Variants in LTN1 observed in about 807,000 individuals in gnomAD.
LTN1 encodes the protein listerin E3 ubiquitin protein ligase 1.
LTN1 carries 88 observed loss-of-function variants against 201.2 expected under a neutral mutation model. That is an observed-to-expected ratio of 0.44 (90% CI 0.37 to 0.52). LTN1 has a LOEUF of 0.52. Ranked by LOEUF, LTN1 falls within the 20% of genes least tolerant of loss-of-function variation. The pLI is 0.00. For synonymous variants in LTN1, 645 were observed against 713.5 expected (o/e 0.90, Z 1.53); for missense variants, 1,752 against 2,038.7 (o/e 0.86, Z 2.71).
Position 28,984,788 on chromosome 21 carries a change from T to C in LTN1, c.480A>G (p.Thr160=). The change falls in exon 4 of 30, where the codon ACA becomes ACG. Residue 160 remains threonine (T), a synonymous_variant. Transcript: ENST00000361371. ...CATCTTTTGCTGCAAACGCAGCTGGTGTGTAAGTATCACACTGAGCCATTA... is the reference window on the plus strand; with the variant it reads ...CATCTTTTGCTGCAAACGCAGCTGGCGTGTAAGTATCACACTGAGCCATTA... ...YWLMAQCDTY[T]PAAFAAKDAF... is the part of the protein sequence containing the mutation. 1 of 1,614,134 alleles carries C rather than the reference T, an allele frequency of 6.2e-7. No individual in the cohort carries two copies. The highest frequency in any genetic ancestry group is 8.5e-7 in the Non-Finnish European group (1 of 1,179,942).
At position 28,986,276 on chromosome 21, in the gene LTN1, A is replaced by G. The variant is rs1342339633; in HGVS notation, c.247-39T>C. On this transcript the variant is annotated intron_variant, in intron 2 of 29. Coordinates refer to ENST00000361371, the MANE Select transcript of LTN1 (RefSeq NM_015565.3). This position sits in a 1 kb window ranked among gnomAD's most constrained non-coding sequence, Gnocchi z 4.1. ...ATTAACATCATTAGGATTAACAACC[A>G]TAATAACTGGCTATAGATTATTCTG... 8.7e-7 allele frequency: 1 copy of G among 1,143,346 alleles called. No individual in the cohort carries two copies. The highest frequency in any genetic ancestry group is 1.5e-5 in the African/African-American group (1 of 65,658). 70.8% of individuals were successfully genotyped at this position (1,143,346 alleles called of 1,614,324 possible).
chr21:28,970,971 A>T (rs2084569659), intron 7 of LTN1, among the ~76,000 whole-genome samples: 1 of 152,200 alleles, frequency 6.6e-6, no homozygotes, highest in South Asian at 2.1e-4. Flanking sequence ...ATAATTATTT[A>T]ACTTCTATTT....
chr21:28,971,226 C>T, intron 7 of LTN1, 45 bp downstream of exon 7: 1 of 1,442,002 alleles, frequency 6.9e-7, no homozygotes, highest in Non-Finnish European at 9.4e-7. Flanking sequence ...ATTCTTATCT[C>T]ATAGGTTCAT....
chr21:28,929,910 T>C lies in LTN1; in HGVS notation c.*538A>G, dbSNP rs1306515355. 6.6e-6 allele frequency: 1 copy of C among 152,208 alleles called. No homozygotes were observed. The highest frequency in any genetic ancestry group is 2.4e-5 in the African/African-American group (1 of 41,468). The allele number at this position is 152,208 out of a possible 1,614,324, so 9.4% of individuals were successfully genotyped here. On this transcript the variant is annotated 3_prime_UTR_variant, in exon 30 of 30. Transcript: ENST00000361371. ...GGATTTCAGAGCATGCCTCCAGATA[T>C]CTTAAGACAAGCCGTATTAATAGCT...
At chr21:28,957,617 C>G (rs2084437334) in intron 14 of LTN1, 141 bp from the exon 15 acceptor site, 2 of 445,952 alleles carry the variant, frequency 4.5e-6, no homozygotes, top group East Asian at 7.0e-5. Flanking sequence ...GACATTCCCC[C>G]ACCGATGACA....
chr21:28,952,340 G>T, intron 17 of LTN1, 76 bp from the exon 18 acceptor site: 1 of 841,020 alleles, frequency 1.2e-6, no homozygotes, highest in South Asian at 1.8e-5. Flanking sequence ...TGGCTAGCTG[G>T]ATTCCTTTTA....
Position 28,967,161 on chromosome 21 carries a change from C to T in LTN1, c.1330G>A (p.Ala444Thr), listed in dbSNP as rs776383523. 20 of 1,610,332 alleles carry T rather than the reference C, an allele frequency of 1.2e-5. No individual in the cohort carries two copies. The highest frequency in any genetic ancestry group is 1.7e-4 in the Middle Eastern group (1 of 6,058). Reference protein sequence around the residue: ...VNDQLIPFIDAVLKDPGLQHG... With the variant: ...VNDQLIPFIDTVLKDPGLQHG... The stretch of plus-strand genomic sequence containing the variant: ...TGCAATCCTGGGTCTTTGAGAACTG[C>T]ATCAATAAAAGGGATCAACTGAAAG... Residue 444 changes from alanine to threonine, a missense_variant, in exon 10 of 30, where the codon GCA becomes ACA. By Grantham distance (58) the Ala-to-Thr change is moderately conservative. Around this residue, in one of 3 missense-constraint regions of LTN1, gnomAD observed 1,211 missense variants for 1,312.8 expected, o/e 0.92. Transcript: ENST00000361371.
At chr21:28,987,376 C>T (rs541499275) in intron 1 of LTN1, among the ~76,000 whole-genome samples, 1 of 152,046 alleles carries the variant, frequency 6.6e-6, no homozygotes, top group Non-Finnish European at 1.5e-5. Context: ...GTAAAATGAA[C>T]TCATAAATAG....
rs1189947773 is a variant in LTN1 at position 28,966,650 on chromosome 21, A to G, written c.1841T>C (p.Leu614Pro). ...GTCAAGCAGAGTAGAAAGAAACCTT[A>G]GATGTTGCTCTGACTTTCGTTCATT... Reference protein sequence around the residue: ...YVNERKSEQHLRFLSTLLDSF... With the variant: ...YVNERKSEQHPRFLSTLLDSF... The change falls in exon 10 of 30, where the codon CTA (leucine) becomes CCA (proline). Residue 614 changes from leucine (L) to proline (P), a missense_variant. By Grantham distance (98) the Leu-to-Pro change is moderately conservative. This residue lies in a region of LTN1 where 1,211 missense variants were observed against 1,312.8 expected (regional missense o/e 0.92). Transcript: ENST00000361371. 2.5e-6 allele frequency: 4 copies of G among 1,613,920 alleles called. No individual in the cohort carries two copies. The highest frequency in any genetic ancestry group is 1.6e-4 in the Middle Eastern group (1 of 6,082).
In LTN1 at chr21:28,929,839, T is replaced by C. The variant is rs906962880; in HGVS notation, c.*609A>G. Reference sequence around the variant, plus strand: ...TTAATTTTCTGAGTTTCATAACCCTTGATAAATGGAGGCACCTTAAAGTTC... The same window carrying C: ...TTAATTTTCTGAGTTTCATAACCCTCGATAAATGGAGGCACCTTAAAGTTC... On this transcript the variant is annotated 3_prime_UTR_variant, in exon 30 of 30. Transcript: ENST00000361371. The C allele has an allele frequency of 2.0e-5, 3 of 152,130 alleles. No homozygotes were observed. The highest frequency in any genetic ancestry group is 7.2e-5 in the African/African-American group (3 of 41,428). 9.4% of individuals were successfully genotyped at this position (152,130 alleles called of 1,614,324 possible).
Position 28,985,248 on chromosome 21 carries a change from T to A in LTN1, c.346-326A>T, listed in dbSNP as rs567009689. 3.3e-5 allele frequency among the ~76,000 whole-genome samples: 5 copies of A among 152,130 alleles called. No homozygotes were observed. In the South Asian group the frequency reaches 1.0e-3, roughly 32 times the overall value. On this transcript the variant is annotated intron_variant, in intron 3 of 29. Transcript: ENST00000361371. The stretch of plus-strand genomic sequence containing the variant: ...GCCGAGGCAGGCGGATTATTGGCGG[T>A]CAGGAGTTCAAGACCAGCCTGGCCA...
At chr21:28,937,937 G>A (rs1031498567) in intron 25 of LTN1, among the ~76,000 whole-genome samples, 3 of 152,104 alleles carry the variant, frequency 2.0e-5, no homozygotes, top group African/African-American at 4.8e-5. Flanking sequence ...ATAACAACTT[G>A]TGCAGTAAGT....
intron 27 of LTN1, among the ~76,000 whole-genome samples, chr21:28,933,472 T>C (rs548741540): frequency 6.6e-6 from 1 of 152,336 alleles, no homozygotes; most frequent in East Asian, 1.9e-4. Context: ...AAATGTTCAG[T>C]GGCTGAATTG....
chr21:28,964,729 A>G (rs2084507190), intron 11 of LTN1: 3 of 1,550,466 alleles, frequency 1.9e-6, no homozygotes, highest in Non-Finnish European at 2.6e-6. Flanking sequence ...TTTCTTCCAC[A>G]CAGATGTGAG....
intron 20 of LTN1, 37 bp downstream of exon 20, chr21:28,946,115 A>G: frequency 6.5e-7 from 1 of 1,540,716 alleles, no homozygotes; most frequent in Middle Eastern, 1.7e-4. Flanking sequence ...TCTGAATTGT[A>G]TACTGAAGGA....
At chr21:28,957,793 A>G (rs2084438831) in intron 14 of LTN1, among the ~76,000 whole-genome samples, 1 of 152,206 alleles carries the variant, frequency 6.6e-6, no homozygotes, top group African/African-American at 2.4e-5. Flanking sequence ...CCTAAACCCA[A>G]TATCCTCTAA....
At chr21:28,970,798 A>G (rs979026381) in intron 7 of LTN1, 56 bp from the exon 8 acceptor site, 2 of 1,348,082 alleles carry the variant, frequency 1.5e-6, no homozygotes, top group Non-Finnish European at 2.0e-6. Flanking sequence ...ACTTTTCTCA[A>G]TTAAAAGAGA....
intron 3 of LTN1, 103 bp from the exon 4 acceptor site, chr21:28,985,025 T>C (rs1223916362): frequency 1.4e-5 from 10 of 696,628 alleles, no homozygotes; most frequent in East Asian, 1.4e-4. Flanking sequence ...AATTCACCTA[T>C]GTATTAAGCT....
At chr21:28,992,541 G>A (rs114896152) in intron 1 of LTN1, among the ~76,000 whole-genome samples, 110 of 152,300 alleles carry the variant, frequency 7.2e-4, no homozygotes, top group Middle Eastern at 3.4e-3. Flanking sequence ...GCTCGGATGA[G>A]GACAGCTCTG....
Sources: allele counts gnomAD v4.1 joint callset (sites outside exome capture counted in the v4.1 genomes callset), GRCh38; gene constraint gnomAD v4.1.1; regional missense constraint gnomAD v4.1.1; non-coding constraint Gnocchi (gnomAD v3.1); transcripts MANE v1.5; gene names NCBI Gene and HGNC (gene_info 2026-07-23, HGNC 2026-07-21).